MAML3: variants seen among roughly 807,000 people sequenced by gnomAD.
MAML3 encodes the protein mastermind-like protein 3.
A neutral mutation model predicts 101.9 loss-of-function variants in MAML3; 27 were observed. That is an observed-to-expected ratio of 0.27 (90% CI 0.20 to 0.37). The LOEUF is 0.37. MAML3 is among the 10% of genes least tolerant of loss of function. MAML3 has a pLI of 1.00. For synonymous variants in MAML3, 501 were observed against 555.9 expected, an observed-to-expected ratio of 0.90 and a Z score of 1.39; for missense variants, 1,316 against 1,444.9, an observed-to-expected ratio of 0.91 and a Z score of 1.45.
At chr4:140,120,215 C>T (rs968260408) in intron 1 of MAML3, among the ~76,000 whole-genome samples, 7 of 126,672 alleles carry the variant, frequency 5.5e-5, no homozygotes, top group Admixed American at 9.6e-5. Flanking sequence ...CCAGCCTGGG[C>T]GACAGAGCGA....
At chr4:140,042,418 A>G (rs936964627) in intron 1 of MAML3, among the ~76,000 whole-genome samples, 6 of 152,106 alleles carry the variant, frequency 3.9e-5, no homozygotes, top group Non-Finnish European at 8.8e-5. Context: ...GCGGATCACG[A>G]GGTCAGGAGA....
intron 1 of MAML3, among the ~76,000 whole-genome samples, chr4:139,907,754 A>T: frequency 6.6e-6 from 1 of 152,198 alleles, no homozygotes; most frequent in East Asian, 1.9e-4. Flanking sequence ...TTCATGCATA[A>T]CACTTGTCTG....
At position 140,066,560 on chromosome 4, in the gene MAML3, C is replaced by G. The variant is rs114297088; in HGVS notation, c.468+86300G>C. 3.3e-3 allele frequency among the ~76,000 whole-genome samples: 502 copies of G among 152,260 alleles called. 2 individuals are homozygous for G. Among genetic ancestry groups the G allele is most frequent in the African/African-American group, 0.011 (477 of 41,536 alleles). On this transcript the variant is annotated intron_variant, in intron 1 of 4. Transcript: ENST00000509479. ...TGACATGTATGTGGAAAGATGTGCC[C>G]TAGGAATTAATCTCAGAGCAGGGAA...
At chr4:139,915,028 A>T (rs1043569072) in intron 1 of MAML3, among the ~76,000 whole-genome samples, 4 of 152,200 alleles carry the variant, frequency 2.6e-5, no homozygotes, top group African/African-American at 9.7e-5. Flanking sequence ...TATACAATGA[A>T]TCTAAAATCA....
intron 1 of MAML3, among the ~76,000 whole-genome samples, chr4:140,135,957 G>T (rs959979961): frequency 1.3e-5 from 2 of 152,134 alleles, no homozygotes; most frequent in Non-Finnish European, 2.9e-5. Flanking sequence ...ATAACAAAGA[G>T]TAATGAGCAC....
chr4:140,127,449 C>T (rs1428011151), intron 1 of MAML3, among the ~76,000 whole-genome samples: 2 of 152,146 alleles, frequency 1.3e-5, no homozygotes, highest in East Asian at 1.9e-4. Context: ...AATTTGGACT[C>T]ACATTGATAG....
At chr4:139,763,569 G>T (rs1729798100) in intron 2 of MAML3, among the ~76,000 whole-genome samples, 1 of 151,722 alleles carries the variant, frequency 6.6e-6, no homozygotes, top group Non-Finnish European at 1.5e-5. Context: ...AAAATAAACA[G>T]AATTGCTTAA....
intron 2 of MAML3, among the ~76,000 whole-genome samples, chr4:139,857,134 C>T (rs901214880): frequency 6.6e-6 from 1 of 152,126 alleles, no homozygotes; most frequent in African/African-American, 2.4e-5. Flanking sequence ...GAGTGGGGAG[C>T]CAGCTTAACC....
At chr4:139,872,537 AG>A (rs530589492) in intron 2 of MAML3, among the ~76,000 whole-genome samples, 244 of 152,358 alleles carry the variant, frequency 1.6e-3, no homozygotes, top group Admixed American at 6.2e-3. Flanking sequence ...AACTGTAACC[AG>A]GTTGTGAAAT....
chr4:140,078,259 A>T (rs969824591), intron 1 of MAML3, among the ~76,000 whole-genome samples: 8 of 146,468 alleles, frequency 5.5e-5, no homozygotes, highest in African/African-American at 2.0e-4. Flanking sequence ...TTTAAGAAAA[A>T]AAATCACCCT....
rs1728164503 is a variant in MAML3, at chr4:139,720,011, C to T, written c.2729G>A (p.Gly910Glu). 6.2e-7 allele frequency: 1 copy of T among 1,614,100 alleles called. No homozygotes were observed. Among genetic ancestry groups the T allele is most frequent in the Admixed American group, 1.7e-5 (1 of 60,038 alleles). Reference sequence around the variant, plus strand: ...GCTCTGACCAAAGCCACTCACCATTCCAACCCCCTGCCCAGAGGCAGGTTG... The same window carrying T: ...GCTCTGACCAAAGCCACTCACCATTTCAACCCCCTGCCCAGAGGCAGGTTG... ...PRQPASGQGVGMVSGFGQSML... is the reference protein window; with the variant it reads ...PRQPASGQGVEMVSGFGQSML... Residue 910 changes from glycine to glutamate, a missense_variant, in exon 5 of 5, where the codon GGA becomes GAA. By Grantham distance (98) the Gly-to-Glu change is moderately conservative. Transcript: ENST00000509479.
At chr4:139,814,491 C>T (rs115552175) in intron 2 of MAML3, among the ~76,000 whole-genome samples, 134 of 152,278 alleles carry the variant, frequency 8.8e-4, no homozygotes, top group African/African-American at 3.1e-3. Flanking sequence ...GAAGCCATCC[C>T]GAGAGGGTTT....
chr4:139,980,787 A>T (rs988809408), intron 1 of MAML3, among the ~76,000 whole-genome samples: 6 of 152,218 alleles, frequency 3.9e-5, no homozygotes, highest in African/African-American at 1.2e-4. Context: ...GCAGGAAGAC[A>T]GGCAATACAT....
intron 2 of MAML3, among the ~76,000 whole-genome samples, chr4:139,822,867 G>C (rs1322695620): frequency 6.6e-6 from 1 of 152,200 alleles, no homozygotes; most frequent in Non-Finnish European, 1.5e-5. Flanking sequence ...GCTACATGAA[G>C]CACAGCCCTG....
At chr4:139,966,614 C>G (rs982918373) in intron 1 of MAML3, among the ~76,000 whole-genome samples, 29 of 152,292 alleles carry the variant, frequency 1.9e-4, no homozygotes, top group Middle Eastern at 3.4e-3. Context: ...TTACGTGTTT[C>G]TGACCGATGC....
intron 2 of MAML3, among the ~76,000 whole-genome samples, chr4:139,801,588 G>T (rs1730603985): frequency 6.6e-6 from 1 of 151,890 alleles, no homozygotes; most frequent in East Asian, 1.9e-4. Context: ...TTTCAGATTT[G>T]GGTCAGCATC....
At chr4:140,009,500 GT>G (rs1726513839) in intron 1 of MAML3, among the ~76,000 whole-genome samples, 1 of 151,828 alleles carries the variant, frequency 6.6e-6, no homozygotes, top group African/African-American at 2.4e-5. Context: ...AATTTTTTTT[GT>G]CCTCCATTAA....
chr4:139,821,901 A>G (rs1321459464), intron 2 of MAML3, among the ~76,000 whole-genome samples: 4 of 152,236 alleles, frequency 2.6e-5, no homozygotes, highest in African/African-American at 9.6e-5. Flanking sequence ...AGAACTACTT[A>G]CTTTTTTAAA....
chr4:139,842,979 C>T (rs1252579829), intron 2 of MAML3, among the ~76,000 whole-genome samples: 1 of 151,656 alleles, frequency 6.6e-6, no homozygotes, highest in East Asian at 1.9e-4. Flanking sequence ...GGGGTTTTCA[C>T]CATGATGGCC....
Sources: allele counts gnomAD v4.1 joint callset (sites outside exome capture counted in the v4.1 genomes callset), GRCh38; gene constraint gnomAD v4.1.1; transcripts MANE v1.5; gene names NCBI Gene and HGNC (gene_info 2026-07-23, HGNC 2026-07-21).